The following TUBGCP4 variants were observed in gnomAD, a reference collection of about 807,000 sequenced individuals.
TUBGCP4 encodes tubulin gamma complex component 4, also known as gamma-tubulin complex component 4.
In TUBGCP4, 54 loss-of-function variants were observed where a neutral mutation model predicts 91.6. The observed-to-expected ratio is 0.59, with a 90% CI of 0.47 to 0.74. The LOEUF is 0.74. Among genes scored for constraint, TUBGCP4 ranks in the 30% least tolerant of loss-of-function variants. The pLI, the probability that TUBGCP4 is intolerant of heterozygous loss-of-function variation, is 0.00. For synonymous variants in TUBGCP4, 297 were observed against 302.8 expected (o/e 0.98, Z 0.20); for missense variants, 593 against 800.9 (o/e 0.74, Z 3.13).
chr15:43,375,183 G>A (rs1277370935), intron 1 of TUBGCP4, among the ~76,000 whole-genome samples: 1 of 152,242 alleles, frequency 6.6e-6, no homozygotes, highest in Non-Finnish European at 1.5e-5. Context: ...GATTACAGGC[G>A]TGAGCAATTG....
At chr15:43,403,582 TATTA>T in intron 15 of TUBGCP4, 97 bp from the exon 16 acceptor site, 3 of 874,490 alleles carry the variant, frequency 3.4e-6, no homozygotes, top group African/African-American at 1.7e-5. Flanking sequence ...GGAGGTCAGC[TATTA>T]ATTAGATCAG....
chr15:43,386,035 G>A (rs2044351873), intron 8 of TUBGCP4, 79 bp downstream of exon 8: 11 of 1,562,744 alleles, frequency 7.0e-6, no homozygotes, highest in Non-Finnish European at 9.5e-6. Context: ...CAGCATGCCT[G>A]GTCAGAGCGA....
In TUBGCP4 at chr15:43,406,869, G is replaced by A. The variant is rs2142919868; in HGVS notation, c.*1655G>A. 3.3e-6 allele frequency: 1 copy of A among 302,820 alleles called. No individual in the cohort carries two copies. Among genetic ancestry groups the A allele is most frequent in the East Asian group, 8.5e-5 (1 of 11,702 alleles). 18.8% of individuals were successfully genotyped at this position (302,820 alleles called of 1,614,324 possible). ...TCTCCCTTTAGCTCTAAGAGTTGGGGAGTACCCACAGGTGAGCTGTGATCT... is the reference window on the plus strand; with the variant it reads ...TCTCCCTTTAGCTCTAAGAGTTGGGAAGTACCCACAGGTGAGCTGTGATCT... On this transcript the variant is annotated 3_prime_UTR_variant, in exon 18 of 18. Coordinates refer to ENST00000564079, the MANE Select transcript of TUBGCP4 (RefSeq NM_014444.5).
rs1426575758 is a variant in TUBGCP4 at position 43,407,362 on chromosome 15, AACCAGTAAG to A, written c.*2153_*2161del. The A allele has an allele frequency of 6.2e-7, 1 of 1,610,986 alleles. No individual in the cohort carries two copies. The highest frequency in any genetic ancestry group is 8.5e-7 in the Non-Finnish European group (1 of 1,177,506). ...CAATCTCCACGATAGCAGGGAATAA[AACCAGTAAG>A]ACCAAGTATCTTTAGTGAGAAACAT... On this transcript the variant is annotated 3_prime_UTR_variant, in exon 18 of 18. Coordinates refer to ENST00000564079, the MANE Select transcript of TUBGCP4 (RefSeq NM_014444.5).
chr15:43,396,166 T>A (rs902906329), intron 11 of TUBGCP4, among the ~76,000 whole-genome samples: 1 of 152,246 alleles, frequency 6.6e-6, no homozygotes, highest in African/African-American at 2.4e-5. Flanking sequence ...TGTGAACACT[T>A]TGATGACCTT....
chr15:43,380,575 A>C (rs983354103), intron 6 of TUBGCP4, among the ~76,000 whole-genome samples: 6 of 152,238 alleles, frequency 3.9e-5, no homozygotes, highest in Non-Finnish European at 8.8e-5. Flanking sequence ...TGGGAATTTT[A>C]TCCTAACAAA....
In TUBGCP4 at chr15:43,408,720, C is replaced by T. The variant is rs765695142; in HGVS notation, c.*3506C>T. ...CACACATTTGCAAAAGGTTCCTAGCCAATGTAACCTAGGGAAATAAACTAG... is the reference window on the plus strand; with the variant it reads ...CACACATTTGCAAAAGGTTCCTAGCTAATGTAACCTAGGGAAATAAACTAG... On this transcript the variant is annotated 3_prime_UTR_variant, in exon 18 of 18. Coordinates refer to ENST00000564079, the MANE Select transcript of TUBGCP4 (RefSeq NM_014444.5). 2 of 624,004 alleles carry T rather than the reference C, an allele frequency of 3.2e-6. No individual in the cohort carries two copies. Among genetic ancestry groups the T allele is most frequent in the Non-Finnish European group, 5.5e-6 (2 of 360,910 alleles). The allele number at this position is 624,004 out of a possible 1,614,324, so 38.7% of individuals were successfully genotyped here.
At chr15:43,396,618 T>C (rs888947016) in intron 11 of TUBGCP4, among the ~76,000 whole-genome samples, 1 of 152,194 alleles carries the variant, frequency 6.6e-6, no homozygotes, top group Non-Finnish European at 1.5e-5. Context: ...AAAGAAATAA[T>C]GTATTGATTC....
chr15:43,400,320 A>G, intron 14 of TUBGCP4, 99 bp downstream of exon 14: 2 of 987,512 alleles, frequency 2.0e-6, no homozygotes, highest in Non-Finnish European at 2.9e-6. Context: ...TATTTGATAA[A>G]ATGGTGGGGT....
chr15:43,383,165 C>A, intron 6 of TUBGCP4, 138 bp from the exon 7 acceptor site: 3 of 647,708 alleles, frequency 4.6e-6, no homozygotes, highest in South Asian at 3.4e-5. Flanking sequence ...AGTTCACCCA[C>A]ATTTAAATTA....
chr15:43,409,449 T>C lies in TUBGCP4; in HGVS notation c.*4235T>C. ...CAGCAACAGAACCATAGCCATTAAC[T>C]AACCCAAGGTCCTACCTTCTCTTCC... On this transcript the variant is annotated 3_prime_UTR_variant, in exon 18 of 18. Transcript: ENST00000564079. 1.9e-6 allele frequency: 1 copy of C among 534,640 alleles called. No homozygotes were observed. Among genetic ancestry groups the C allele is most frequent in the South Asian group, 3.1e-5 (1 of 32,190 alleles). 33.1% of individuals were successfully genotyped at this position (534,640 alleles called of 1,614,324 possible). A position where few individuals can be genotyped will look rare whatever the true frequency, so the allele number is the denominator to read the frequency against.
chr15:43,399,916 T>G, intron 13 of TUBGCP4, 128 bp from the exon 14 acceptor site: 1 of 579,768 alleles, frequency 1.7e-6, no homozygotes, highest in Non-Finnish European at 3.0e-6. Context: ...TGTCTACATC[T>G]CTAGTCACTC....
At chr15:43,403,371 C>G (rs1366026814) in intron 15 of TUBGCP4, 1 of 212,166 alleles carries the variant, frequency 4.7e-6, no homozygotes, top group Non-Finnish European at 9.4e-6. Flanking sequence ...GCAAAGGGAA[C>G]AACACTCACA....
intron 7 of TUBGCP4, chr15:43,385,506 C>G (rs1206166691): frequency 2.0e-6 from 1 of 496,926 alleles, no homozygotes; most frequent in African/African-American, 2.0e-5. Flanking sequence ...TTTCATCGTA[C>G]AAGTAAGGAA....
intron 9 of TUBGCP4, among the ~76,000 whole-genome samples, chr15:43,392,521 C>T (rs796176543): frequency 2.0e-5 from 3 of 152,112 alleles, no homozygotes; most frequent in South Asian, 2.1e-4. Context: ...TGTTTTGAGA[C>T]GGAGTTTTGC....
chr15:43,384,695 C>T (rs1316147144), intron 7 of TUBGCP4, among the ~76,000 whole-genome samples: 2 of 152,252 alleles, frequency 1.3e-5, no homozygotes, highest in Non-Finnish European at 2.9e-5. Context: ...TGCATGTAAA[C>T]AGTGGAAATG....
In TUBGCP4 at chr15:43,376,218, C is replaced by CA; in HGVS notation, c.201dup (p.Gln68ThrfsTer39). On this transcript the variant is annotated frameshift_variant, in exon 2 of 18. Transcript: ENST00000564079. LOFTEE classifies it high-confidence loss of function. Reference sequence around the variant, plus strand: ...CATTGAACAGTACACGGGCCATGTGCAACAGCAGGTGGGTCCTGTTCTCTG... The same window carrying CA: ...CATTGAACAGTACACGGGCCATGTGCAAACAGCAGGTGGGTCCTGTTCTCTG... 6.2e-7 allele frequency: 1 copy of CA among 1,613,562 alleles called. No individual in the cohort carries two copies. The highest frequency in any genetic ancestry group is 8.5e-7 in the Non-Finnish European group (1 of 1,179,960).
At chr15:43,395,798 T>A in intron 11 of TUBGCP4, 110 bp downstream of exon 11, 1 of 840,462 alleles carries the variant, frequency 1.2e-6, no homozygotes, top group Non-Finnish European at 2.0e-6. Flanking sequence ...CCTGATGAGT[T>A]ACAGAGCAGT....
At chr15:43,386,356 T>C (rs762139121) in intron 9 of TUBGCP4, 26 bp downstream of exon 9, 1 of 68,902 alleles carries the variant, frequency 1.5e-5, no homozygotes, top group East Asian at 2.8e-4. Context: ...TATATATATA[T>C]ATATATATAT....
Sources: allele counts gnomAD v4.1 joint callset (sites outside exome capture counted in the v4.1 genomes callset), GRCh38; gene constraint gnomAD v4.1.1; transcripts MANE v1.5; gene names NCBI Gene and HGNC (gene_info 2026-07-23, HGNC 2026-07-21).